The following CLEC4D variants were observed in gnomAD, a reference collection of about 807,000 sequenced individuals.
The protein encoded by CLEC4D is C-type lectin domain family 4 member D.
Under a neutral mutation model 21.1 loss-of-function variants are expected in CLEC4D, and 21 were observed. That is an observed-to-expected ratio of 1.00 (90% CI 0.71 to 1.43). CLEC4D has a LOEUF of 1.43. Among genes scored for constraint, CLEC4D ranks in the 40% most tolerant of loss-of-function variants. The pLI, the probability that CLEC4D is intolerant of heterozygous loss-of-function variation, is 0.00. For synonymous variants in CLEC4D, 85 were observed against 83.1 expected (o/e 1.02, Z -0.12); for missense variants, 289 against 260.7 (o/e 1.11, Z -0.75).
intron 1 of CLEC4D, 149 bp downstream of exon 1, chr12:8,513,909 G>A: frequency 1.8e-6 from 1 of 551,100 alleles, no homozygotes; most frequent in South Asian, 2.9e-5. Flanking sequence ...TGAAGAGGAA[G>A]GACATAGAGT....
downstream of CLEC4D, among the ~76,000 whole-genome samples, chr12:8,527,126 C>A (rs1940512883): frequency 6.6e-6 from 1 of 152,160 alleles, no homozygotes; most frequent in Non-Finnish European, 1.5e-5. Flanking sequence ...TAGGATCACT[C>A]CTGTATAGGG....
In CLEC4D at chr12:8,513,611, A is replaced by G. The variant is rs1262201555; in HGVS notation, c.-122A>G. 8 of 614,652 alleles carry G rather than the reference A, an allele frequency of 1.3e-5. No individual in the cohort carries two copies. In the Middle Eastern group the frequency reaches 1.7e-3, roughly 133 times the overall value. 38.1% of individuals were successfully genotyped at this position (614,652 alleles called of 1,614,324 possible). A position where few individuals can be genotyped will look rare whatever the true frequency, so the allele number is the denominator to read the frequency against. ...TTCTAATCTCACTACAATATGTAAC[A>G]TTGGTGTTCGATCTCAAGTATTTCT... On this transcript the variant is annotated 5_prime_UTR_variant, in exon 1 of 6. Transcript: ENST00000299665.
intron 3 of CLEC4D, among the ~76,000 whole-genome samples, chr12:8,518,579 A>G (rs1940414610): frequency 6.6e-6 from 1 of 152,250 alleles, no homozygotes; most frequent in Admixed American, 6.5e-5. Context: ...TAGAATATAC[A>G]GCTTTGCTGA....
At chr12:8,522,432 A>C (rs1441398427), downstream of CLEC4D, 1 of 152,104 alleles carries the variant, frequency 6.6e-6, no homozygotes, top group Non-Finnish European at 1.5e-5. Context: ...TTTTAACCTA[A>C]CTTTCCTACT....
intron 5 of CLEC4D, 59 bp downstream of exon 5, chr12:8,520,400 G>A: frequency 1.9e-6 from 3 of 1,573,364 alleles, no homozygotes; most frequent in Non-Finnish European, 2.6e-6. Context: ...ATGGTAGCAA[G>A]AAACATTCAT....
chr12:8,521,222 A>G lies in CLEC4D; in HGVS notation c.599A>G (p.Asn200Ser), dbSNP rs780257434. ...DKWAWNDVPC[N>S]FEASRICKIP... ...TGGGCCTGGAATGATGTTCCTTGTAACTTTGAAGCAAGTAGGATTTGTAAA... is the reference window on the plus strand; with the variant it reads ...TGGGCCTGGAATGATGTTCCTTGTAGCTTTGAAGCAAGTAGGATTTGTAAA... Residue 200 changes from asparagine to serine, a missense_variant, in exon 6 of 6, where the codon AAC becomes AGC. By Grantham distance (46) the Asn-to-Ser change is conservative (BLOSUM62 1). Transcript: ENST00000299665. The G allele has an allele frequency of 1.2e-6, 2 of 1,613,458 alleles. No individual in the cohort carries two copies. The highest frequency in any genetic ancestry group is 1.7e-6 in the Non-Finnish European group (2 of 1,179,580).
chr12:8,515,363 T>C, intron 2 of CLEC4D, 35 bp downstream of exon 2: 1 of 972,780 alleles, frequency 1.0e-6, no homozygotes, highest in Non-Finnish European at 1.7e-6. Context: ...TCTTCTTGAA[T>C]TATTATTTCC....
chr12:8,523,928 A>G (rs1358746048), downstream of CLEC4D, among the ~76,000 whole-genome samples: 2 of 152,172 alleles, frequency 1.3e-5, no homozygotes, highest in Non-Finnish European at 2.9e-5. Context: ...AATTTCATCA[A>G]AGGCCTTTTC....
chr12:8,527,603 CAGGG>C, the CLEC4D span, among the ~76,000 whole-genome samples: 1,281 of 152,334 alleles, frequency 8.4e-3, 13 homozygotes, highest in Middle Eastern at 0.02. Flanking sequence ...TTCCGCCGCC[CAGGG>C]AGCTTTGCAT....
chr12:8,515,123 T>C (rs1168828655), intron 1 of CLEC4D, 113 bp from the exon 2 acceptor site: 5 of 629,494 alleles, frequency 7.9e-6, no homozygotes, highest in Non-Finnish European at 1.4e-5. Flanking sequence ...TATGCTCTTC[T>C]CTAGATCTGA....
the CLEC4D span, among the ~76,000 whole-genome samples, chr12:8,527,707 G>A: frequency 2.0e-5 from 3 of 152,326 alleles, no homozygotes; most frequent in Admixed American, 6.5e-5. Context: ...AGCCAGTGCT[G>A]GTCGCCCTCC....
chr12:8,519,603 G>C (rs943300673), intron 4 of CLEC4D, among the ~76,000 whole-genome samples: 1 of 152,192 alleles, frequency 6.6e-6, no homozygotes, highest in Non-Finnish European at 1.5e-5. Context: ...CTTGATAAAT[G>C]TTTGGTTAGT....
At chr12:8,514,213 AAAATT>A (rs1430472635) in intron 1 of CLEC4D, among the ~76,000 whole-genome samples, 1 of 152,130 alleles carries the variant, frequency 6.6e-6, no homozygotes, top group Non-Finnish European at 1.5e-5. Flanking sequence ...TGTTTAAATT[AAAATT>A]AAAGTTTTAC....
Position 8,518,372 on chromosome 12 carries a change from A to G in CLEC4D, c.232+98A>G. The G allele has an allele frequency of 4.7e-6, 3 of 639,412 alleles. No homozygotes were observed. The South Asian group carries it at 5.7e-5, about 12-fold the overall frequency. The allele number at this position is 639,412 out of a possible 1,614,324, so 39.6% of individuals were successfully genotyped here. ...CAGTAGTGAACCAGGAAAGATTAAA[A>G]TAGCATAAGATGAGAATCTGGCATC... On this transcript the variant is annotated intron_variant, in intron 3 of 5. Transcript: ENST00000299665.
rs1242760575 is a variant in CLEC4D, at chr12:8,521,426, G to T, written c.*155G>T. On this transcript the variant is annotated 3_prime_UTR_variant, in exon 6 of 6. Transcript: ENST00000299665. The stretch of plus-strand genomic sequence containing the variant: ...TTTTTATTTTGTTTGATTCATTCGA[G>T]ACAACATGTGTGTATGTGTGTGTGT... The T allele has an allele frequency of 7.1e-7, 1 of 1,401,352 alleles. No homozygotes were observed. Among genetic ancestry groups the T allele is most frequent in the East Asian group, 2.6e-5 (1 of 39,172 alleles). The allele number at this position is 1,401,352 out of a possible 1,614,324, so 86.8% of individuals were successfully genotyped here.
rs147470619 is a variant in CLEC4D at position 8,521,374 on chromosome 12, A to T, written c.*103A>T. ...TGGAACACAGAAAACATGCTGGTTC[A>T]TACAGCGTTTTTAGTCATAATGGTC... is the stretch of plus-strand genomic sequence containing the variant. On this transcript the variant is annotated 3_prime_UTR_variant, in exon 6 of 6. Transcript: ENST00000299665. 7 of 1,493,144 alleles carry T rather than the reference A, an allele frequency of 4.7e-6. No individual in the cohort carries two copies. The highest frequency in any genetic ancestry group is 6.2e-6 in the Non-Finnish European group (7 of 1,127,914). 92.5% of individuals were successfully genotyped at this position (1,493,144 alleles called of 1,614,324 possible). A position where few individuals can be genotyped will look rare whatever the true frequency, so the allele number is the denominator to read the frequency against.
intron 5 of CLEC4D, 28 bp from the exon 6 acceptor site, chr12:8,521,096 A>G (rs1265928069): frequency 4.4e-6 from 7 of 1,606,214 alleles, no homozygotes; most frequent in South Asian, 2.2e-5. Context: ...ATACCTATAA[A>G]TCTCTATCTA....
the CLEC4D span, among the ~76,000 whole-genome samples, chr12:8,529,390 G>A: frequency 1.3e-5 from 2 of 152,178 alleles, no homozygotes; most frequent in South Asian, 4.1e-4. Flanking sequence ...CAAGGTGGGA[G>A]GATTACTTGA....
At chr12:8,528,416 C>T in the CLEC4D span, among the ~76,000 whole-genome samples, 9 of 152,152 alleles carry the variant, frequency 5.9e-5, no homozygotes, top group Non-Finnish European at 1.2e-4. Flanking sequence ...CAGCCTCCAT[C>T]ACTATAAGAA....
Sources: allele counts gnomAD v4.1 joint callset (sites outside exome capture counted in the v4.1 genomes callset), GRCh38; gene constraint gnomAD v4.1.1; transcripts MANE v1.5; gene names NCBI Gene and HGNC (gene_info 2026-07-23, HGNC 2026-07-21).